Variants in EIF2S2 observed in about 807,000 individuals in gnomAD.
EIF2S2 encodes the protein eukaryotic translation initiation factor 2 subunit beta.
In EIF2S2, 4 loss-of-function variants were observed where a neutral mutation model predicts 44.0. The ratio of observed to expected loss-of-function variants is 0.09; its 90% CI spans 0.04 to 0.21. The LOEUF (loss-of-function observed/expected upper bound fraction) is 0.21, where lower values mean the gene tolerates loss of function less well. EIF2S2 is among the 10% of genes least tolerant of loss of function. The pLI is 1.00. For missense variants in EIF2S2, 154 were observed against 392.0 expected (o/e 0.39, Z 5.13); for synonymous variants, 108 against 128.3 (o/e 0.84, Z 1.07).
At chr20:34,089,966 CCTT>C in intron 8 of EIF2S2, 61 bp from the exon 9 acceptor site, 4 of 1,578,162 alleles carry the variant, frequency 2.5e-6, no homozygotes, top group South Asian at 2.2e-5. Flanking sequence ...GAAGTTTCTG[CCTT>C]CTTAAATACA....
Position 34,103,557 on chromosome 20 carries a change from C to G in EIF2S2, c.202G>C (p.Asp68His). Residue 68 changes from aspartate (D) to histidine (H), a missense_variant, in exon 3 of 9, where the codon GAT becomes CAT. Asp to His is a moderately conservative substitution (Grantham distance 81, BLOSUM62 -1). Transcript: ENST00000374980. ...AAGAAGTTCAAGTCATCTAGATCAT[C>G]AGAAGCATCTAAAAAGACCAAGGCA... is the stretch of plus-strand genomic sequence containing the variant. ...EEDTRKKDAS[D>H]DLDDLNFFNQ... The G allele has an allele frequency of 6.4e-7, 1 of 1,564,384 alleles. No individual in the cohort carries two copies. The highest frequency in any genetic ancestry group is 8.7e-7 in the Non-Finnish European group (1 of 1,155,404).
At position 34,110,109 on chromosome 20, in the gene EIF2S2, A is replaced by C. The variant is rs974647957; in HGVS notation, c.15+1987T>G. Among the ~76,000 whole-genome samples, 9 of 152,050 alleles carry C rather than the reference A, an allele frequency of 5.9e-5. No homozygotes were observed. In the East Asian group the frequency reaches 7.7e-4, roughly 13 times the overall value. On this transcript the variant is annotated intron_variant, in intron 1 of 8. Transcript: ENST00000374980. ...GAAATTCCATCTCAAAAAAAAAAAA[A>C]AAAAAACAGAAATATGAATAAAACA... is the stretch of plus-strand genomic sequence containing the variant.
At chr20:34,110,124 T>A (rs1392770343) in intron 1 of EIF2S2, among the ~76,000 whole-genome samples, 3 of 149,934 alleles carry the variant, frequency 2.0e-5, no homozygotes, top group Non-Finnish European at 3.0e-5. Flanking sequence ...AACAGAAATA[T>A]GAATAAAACA....
In EIF2S2 at chr20:34,089,623, T is replaced by G; in HGVS notation, c.*107A>C. Reference sequence around the variant, plus strand: ...CAGACCAACCACTCGCCAAAAATCTTGGCAGCTTTTTTATCTTGTTTTTAA... The same window carrying G: ...CAGACCAACCACTCGCCAAAAATCTGGGCAGCTTTTTTATCTTGTTTTTAA... On this transcript the variant is annotated 3_prime_UTR_variant, in exon 9 of 9. Transcript: ENST00000374980. 7.6e-7 allele frequency: 1 copy of G among 1,307,620 alleles called. No individual in the cohort carries two copies. Among genetic ancestry groups the G allele is most frequent in the Non-Finnish European group, 1.0e-6 (1 of 975,328 alleles). 81.0% of individuals were successfully genotyped at this position (1,307,620 alleles called of 1,614,324 possible).
intron 6 of EIF2S2, 70 bp from the exon 7 acceptor site, chr20:34,093,801 T>A: frequency 1.5e-6 from 2 of 1,356,824 alleles, no homozygotes; most frequent in South Asian, 2.6e-5. Flanking sequence ...AAAAAATCTG[T>A]TCATTGTTTT....
rs530811059 is a variant in EIF2S2, at chr20:34,090,787, C to T, written c.741-185G>A. 5.1e-4 allele frequency among the ~76,000 whole-genome samples: 77 copies of T among 152,274 alleles called. 1 individual carries two copies. The South Asian group carries it at 0.013, about 26-fold the overall frequency. On this transcript the variant is annotated intron_variant, in intron 7 of 8. Transcript: ENST00000374980. ...TATGAGACAGGGTCTCACACTCTGTCGCCCAGACTGGAGTGCAGTGGCGTG... is the reference window on the plus strand; with the variant it reads ...TATGAGACAGGGTCTCACACTCTGTTGCCCAGACTGGAGTGCAGTGGCGTG...
intron 7 of EIF2S2, 64 bp from the exon 8 acceptor site, chr20:34,090,666 C>T: frequency 1.1e-6 from 1 of 908,590 alleles, no homozygotes; most frequent in East Asian, 2.8e-5. Flanking sequence ...CAAATTCCAG[C>T]ACCTTTAAAC....
intron 7 of EIF2S2, among the ~76,000 whole-genome samples, chr20:34,091,601 C>A (rs779513243): frequency 6.6e-6 from 1 of 151,492 alleles, no homozygotes; most frequent in East Asian, 1.9e-4. Context: ...GCCTATAGTC[C>A]CAGCTACTGG....
intron 1 of EIF2S2, among the ~76,000 whole-genome samples, chr20:34,109,232 AC>A (rs891925532): frequency 6.6e-6 from 1 of 152,036 alleles, no homozygotes; most frequent in African/African-American, 2.4e-5. Flanking sequence ...TTTTATGAAA[AC>A]CCAATGTTCT....
At chr20:34,091,839 C>T (rs1359670922) in intron 7 of EIF2S2, among the ~76,000 whole-genome samples, 3 of 141,546 alleles carry the variant, frequency 2.1e-5, no homozygotes, top group African/African-American at 7.8e-5. Flanking sequence ...CTCTGTCTTG[C>T]GAGAGAGACG....
chr20:34,095,306 ACCTCTTTTTT>A (rs2034213785), intron 6 of EIF2S2, among the ~76,000 whole-genome samples: 2 of 131,038 alleles, frequency 1.5e-5, no homozygotes, highest in African/African-American at 6.1e-5. Flanking sequence ...TAAGTTAGCT[ACCTCTTTTTT>A]TTTTTTTTTT....
intron 8 of EIF2S2, 136 bp from the exon 9 acceptor site, chr20:34,090,041 G>A (rs1422844215): frequency 1.9e-5 from 17 of 893,028 alleles, no homozygotes; most frequent in African/African-American, 1.2e-4. Flanking sequence ...CCAGGGAAGC[G>A]CAGCTATTCG....
chr20:34,096,537 C>T, intron 6 of EIF2S2, 120 bp downstream of exon 6: 1 of 1,007,618 alleles, frequency 9.9e-7, no homozygotes, highest in Non-Finnish European at 1.5e-6. Context: ...ACTCCCTCAA[C>T]CCCTACACCT....
chr20:34,103,431 A>G (rs1321123933), intron 3 of EIF2S2, 31 bp downstream of exon 3: 1 of 1,521,654 alleles, frequency 6.6e-7, no homozygotes, highest in African/African-American at 1.4e-5. Flanking sequence ...CAAGAGGTCA[A>G]ATTTTACCTT....
At chr20:34,093,136 A>T (rs1242108994) in intron 7 of EIF2S2, among the ~76,000 whole-genome samples, 2 of 152,230 alleles carry the variant, frequency 1.3e-5, no homozygotes, top group Admixed American at 1.3e-4. Flanking sequence ...TCCAGATAGT[A>T]GTCAAACTCA....
intron 2 of EIF2S2, 111 bp downstream of exon 2, chr20:34,105,257 T>C: frequency 8.4e-7 from 1 of 1,183,990 alleles, no homozygotes; most frequent in Non-Finnish European, 1.2e-6. Flanking sequence ...GGCCTTGACT[T>C]CACTGGAACA....
At chr20:34,093,860 T>A in intron 6 of EIF2S2, 129 bp from the exon 7 acceptor site, 2 of 787,282 alleles carry the variant, frequency 2.5e-6, no homozygotes, top group Non-Finnish European at 4.0e-6. Context: ...ACCATTTATT[T>A]AAACTTTGAA....
At chr20:34,111,214 T>C (rs1417121589) in intron 1 of EIF2S2, among the ~76,000 whole-genome samples, 1 of 152,216 alleles carries the variant, frequency 6.6e-6, no homozygotes, top group Non-Finnish European at 1.5e-5. Flanking sequence ...TTTACTGGCC[T>C]TTCTCGACCA....
chr20:34,100,613 T>C (rs1424626052), intron 3 of EIF2S2, among the ~76,000 whole-genome samples: 1 of 152,060 alleles, frequency 6.6e-6, no homozygotes, highest in Non-Finnish European at 1.5e-5. Flanking sequence ...CCAAGGATTT[T>C]AGCAGTTGTG....
Sources: gnomAD v4.1 joint callset for allele counts (sites outside exome capture counted in the v4.1 genomes callset) on GRCh38, gnomAD v4.1.1 for gene constraint, MANE v1.5 for transcripts, NCBI Gene and HGNC (gene_info 2026-07-23, HGNC 2026-07-21) for gene names.